The following TOLLIP variants were observed in gnomAD, a reference collection of about 807,000 sequenced individuals.
TOLLIP encodes toll interacting protein.
Under a neutral mutation model 33.5 loss-of-function variants are expected in TOLLIP, and 16 were observed. The observed-to-expected ratio is 0.48, with a 90% CI of 0.32 to 0.72. TOLLIP has a LOEUF of 0.72. Among genes scored for constraint, TOLLIP ranks in the 30% least tolerant of loss-of-function variants. The pLI is 0.03. For synonymous variants in TOLLIP, 176 were observed against 163.7 expected, an observed-to-expected ratio of 1.07 and a Z score of -0.57; for missense variants, 325 against 396.6, an observed-to-expected ratio of 0.82 and a Z score of 1.53.
chr11:1,299,399 C>A (rs891833545), intron 1 of TOLLIP, among the ~76,000 whole-genome samples: 9 of 152,190 alleles, frequency 5.9e-5, no homozygotes, highest in Non-Finnish European at 1.5e-5. Flanking sequence ...CCAGTTCATG[C>A]TTCACGAGTC....
chr11:1,302,400 G>A (rs1864308304), intron 1 of TOLLIP, among the ~76,000 whole-genome samples: 1 of 152,216 alleles, frequency 6.6e-6, no homozygotes, highest in African/African-American at 2.4e-5. Flanking sequence ...ACGGCCAAGA[G>A]GGGAGCCCCG....
In TOLLIP at chr11:1,309,516, C is replaced by G. The variant is rs1248709689; in HGVS notation, c.-18G>C. 1 of 1,292,992 alleles carries G rather than the reference C, an allele frequency of 7.7e-7. No individual in the cohort carries two copies. Among genetic ancestry groups the G allele is most frequent in the Admixed American group, 3.3e-5 (1 of 30,194 alleles). The allele number at this position is 1,292,992 out of a possible 1,614,324, so 80.1% of individuals were successfully genotyped here. A position where few individuals can be genotyped will look rare whatever the true frequency, so the allele number is the denominator to read the frequency against. On this transcript the variant is annotated 5_prime_UTR_variant, in exon 1 of 6. Coordinates refer to ENST00000317204, the MANE Select transcript of TOLLIP (RefSeq NM_019009.4). Reference sequence around the variant, plus strand: ...GTCGCCATGGTGCTGCGGCGGCCCCCGTGGCTCGCCGACCCGACAGTGACG... The same window carrying G: ...GTCGCCATGGTGCTGCGGCGGCCCCGGTGGCTCGCCGACCCGACAGTGACG...
intron 1 of TOLLIP, 89 bp from the exon 2 acceptor site, chr11:1,295,883 C>G (rs1309665240): frequency 2.8e-6 from 4 of 1,438,264 alleles, no homozygotes; most frequent in Non-Finnish European, 2.8e-6. Flanking sequence ...TCCCGCGGCC[C>G]CGCCCCCACC....
At chr11:1,288,187 C>T (rs1360840123) in intron 4 of TOLLIP, among the ~76,000 whole-genome samples, 3 of 152,188 alleles carry the variant, frequency 2.0e-5, no homozygotes, top group African/African-American at 7.2e-5. Context: ...TCCAGAGATG[C>T]CCTGCCACAC....
rs1199061368 is a variant in TOLLIP at position 1,278,574 on chromosome 11, C to A, written c.611-1321G>T. On this transcript the variant is annotated intron_variant, in intron 5 of 5. Transcript: ENST00000317204. This position sits in a 1 kb window ranked among gnomAD's most constrained non-coding sequence, Gnocchi z 4.7. The stretch of plus-strand genomic sequence containing the variant: ...AAGGAAGGCCACCGCTTCCCGGCTC[C>A]TTCTAGGCCAGGCCGACTCTTCCTC... Among the ~76,000 whole-genome samples the A allele has an allele frequency of 6.6e-6, 1 of 152,168 alleles. No homozygotes were observed. Among genetic ancestry groups the A allele is most frequent in the Non-Finnish European group, 1.5e-5 (1 of 68,024 alleles).
At chr11:1,297,980 C>A (rs1481637270) in intron 1 of TOLLIP, among the ~76,000 whole-genome samples, 3 of 152,254 alleles carry the variant, frequency 2.0e-5, no homozygotes, top group African/African-American at 7.2e-5. Context: ...CCAGAGCTCT[C>A]TCCCCGGGGG....
In TOLLIP at chr11:1,287,907, G is replaced by A. The variant is rs1365848717; in HGVS notation, c.519+717C>T. Among the ~76,000 whole-genome samples, 2 of 151,028 alleles carry A rather than the reference G, an allele frequency of 1.3e-5. 1 individual carries two copies. Among genetic ancestry groups the A allele is most frequent in the Non-Finnish European group, 2.9e-5 (2 of 67,834 alleles). On this transcript the variant is annotated intron_variant, in intron 4 of 5. Coordinates refer to ENST00000317204, the MANE Select transcript of TOLLIP (RefSeq NM_019009.4). ...GCACCCTCCCTGCTGCACCCTCTCT[G>A]CTGCACCCTCTCTGCTGTCACATCT...
intron 1 of TOLLIP, among the ~76,000 whole-genome samples, chr11:1,301,788 G>C (rs1864285257): frequency 1.3e-5 from 2 of 152,214 alleles, no homozygotes; most frequent in Admixed American, 1.3e-4. Flanking sequence ...GGGACCCACA[G>C]CAGGAAGACC....
At chr11:1,286,482 C>T (rs1224928762) in intron 4 of TOLLIP, among the ~76,000 whole-genome samples, 1 of 152,170 alleles carries the variant, frequency 6.6e-6, no homozygotes, top group African/African-American at 2.4e-5. Context: ...CTGCTGTCAA[C>T]TCTGAGTTCA....
chr11:1,275,878 T>C lies in TOLLIP; in HGVS notation c.*1161A>G, dbSNP rs368973742. 1.3e-5 allele frequency: 2 copies of C among 152,206 alleles called. No homozygotes were observed. The highest frequency in any genetic ancestry group is 4.8e-5 in the African/African-American group (2 of 41,422). 9.4% of individuals were successfully genotyped at this position (152,206 alleles called of 1,614,324 possible). A position where few individuals can be genotyped will look rare whatever the true frequency, so the allele number is the denominator to read the frequency against. On this transcript the variant is annotated 3_prime_UTR_variant, in exon 6 of 6. Coordinates refer to ENST00000317204, the MANE Select transcript of TOLLIP (RefSeq NM_019009.4). ...CATCCGAAGGCCGGCGGCAAGACAC[T>C]TGAACCACAAACACCAGACATGCAG...
At chr11:1,293,107 T>C (rs1176230806) in intron 2 of TOLLIP, among the ~76,000 whole-genome samples, 7 of 151,826 alleles carry the variant, frequency 4.6e-5, no homozygotes, top group Non-Finnish European at 8.8e-5. Context: ...GTGCTGAGGG[T>C]CAGGCCTGAA....
At chr11:1,282,252 G>C (rs1310180812) in intron 5 of TOLLIP, among the ~76,000 whole-genome samples, 1 of 152,160 alleles carries the variant, frequency 6.6e-6, no homozygotes, top group African/African-American at 2.4e-5. Context: ...CAAAGATCCC[G>C]CCTGAGGGGG....
At position 1,295,789 on chromosome 11, in the gene TOLLIP, G is replaced by A. The variant is rs1191791818; in HGVS notation, c.39C>T (p.Tyr13=). The change falls in exon 2 of 6, where the codon TAC becomes TAT. Residue 13 remains tyrosine (Y), a synonymous_variant. Coordinates refer to ENST00000317204, the MANE Select transcript of TOLLIP (RefSeq NM_019009.4). ...GGAAGTCCTGCGGGAGCTCACCGAT[G>A]TACACCTGCGGGGCCGGGGACCAGA... is the stretch of plus-strand genomic sequence containing the variant. ...TTVSTQRGPV[Y]IGELPQDFLR... The A allele has an allele frequency of 1.9e-6, 3 of 1,565,168 alleles. No individual in the cohort carries two copies. Among genetic ancestry groups the A allele is most frequent in the Non-Finnish European group, 8.7e-7 (1 of 1,153,990 alleles).
Position 1,299,018 on chromosome 11 carries a change from A to G in TOLLIP, c.34-3224T>C, listed in dbSNP as rs897727787. Among the ~76,000 whole-genome samples the G allele has an allele frequency of 4.6e-5, 7 of 152,222 alleles. No individual in the cohort carries two copies. The South Asian group carries it at 1.2e-3, about 27-fold the overall frequency. Reference sequence around the variant, plus strand: ...AGGGGACAGTCATCGAAAAACCAGGACAGCCAAATAAAACCTGGAGCCAAC... The same window carrying G: ...AGGGGACAGTCATCGAAAAACCAGGGCAGCCAAATAAAACCTGGAGCCAAC... On this transcript the variant is annotated intron_variant, in intron 1 of 5. Transcript: ENST00000317204.
rs1017460639 is a variant in TOLLIP, at chr11:1,309,599, G to C, written c.-101C>G. The C allele has an allele frequency of 1.0e-5, 5 of 487,146 alleles. No homozygotes were observed. Among genetic ancestry groups the C allele is most frequent in the Admixed American group, 4.8e-5 (1 of 20,954 alleles). 30.2% of individuals were successfully genotyped at this position (487,146 alleles called of 1,614,324 possible). ...CTGCGACGGAGACAGTTGTCACCTCGAGGCCGCCGCCGCCACAGTCAGCTG... is the reference window on the plus strand; with the variant it reads ...CTGCGACGGAGACAGTTGTCACCTCCAGGCCGCCGCCGCCACAGTCAGCTG... On this transcript the variant is annotated 5_prime_UTR_variant, in exon 1 of 6. Transcript: ENST00000317204.
intron 1 of TOLLIP, among the ~76,000 whole-genome samples, chr11:1,300,594 C>T (rs377636075): frequency 1.3e-5 from 2 of 152,248 alleles, no homozygotes; most frequent in East Asian, 1.9e-4. Flanking sequence ...GAGAGAGCCG[C>T]TGCTTCCTTG....
Position 1,295,675 on chromosome 11 carries a change from G to A in TOLLIP, c.153C>T (p.Thr51=), listed in dbSNP as rs141833183. The change falls in exon 2 of 6, where the codon ACC becomes ACT. Residue 51 remains threonine (T), a synonymous_variant. Transcript: ENST00000317204. ...CCACCGTGATGTTCAGTCGGCCCAC[G>A]GTGCCCACTGCGCCTCCGTACTGCA... ...QQLQYGGAVG[T]VGRLNITVVQ... The A allele has an allele frequency of 6.7e-5, 108 of 1,601,592 alleles. No individual in the cohort carries two copies. Among genetic ancestry groups the A allele is most frequent in the African/African-American group, 1.2e-4 (9 of 74,854 alleles).
chr11:1,295,526 C>G, intron 2 of TOLLIP, 119 bp downstream of exon 2: 1 of 1,259,970 alleles, frequency 7.9e-7, no homozygotes, highest in Non-Finnish European at 1.1e-6. Context: ...TCAGGAAAAG[C>G]GGGAATCAGA....
intron 4 of TOLLIP, 26 bp downstream of exon 4, chr11:1,288,598 C>T (rs753314727): frequency 1.9e-6 from 3 of 1,592,304 alleles, no homozygotes; most frequent in Non-Finnish European, 2.6e-6. Flanking sequence ...CCAATGCGCC[C>T]CACCCCGCCC....
Sources: allele counts gnomAD v4.1 joint callset (sites outside exome capture counted in the v4.1 genomes callset), GRCh38; gene constraint gnomAD v4.1.1; non-coding constraint Gnocchi (gnomAD v3.1); transcripts MANE v1.5; gene names NCBI Gene and HGNC (gene_info 2026-07-23, HGNC 2026-07-21).